The following NHERF1 variants were observed in gnomAD, a reference collection of about 807,000 sequenced individuals.
NHERF1 encodes NHERF family PDZ scaffold protein 1.
At chr17:74,764,746 G>A in the NHERF1 span, among the ~76,000 whole-genome samples, 1 of 152,186 alleles carries the variant, frequency 6.6e-6, no homozygotes, top group Non-Finnish European at 1.5e-5. This position sits in a 1 kb window ranked among gnomAD's most constrained non-coding sequence, Gnocchi z 4.9. Context: ...AGAGGCCTGG[G>A]GACAGTCCCC....
the NHERF1 span, chr17:74,761,921 C>T: frequency 7.2e-7 from 1 of 1,398,234 alleles, no homozygotes; most frequent in Non-Finnish European, 1.0e-6. This position sits in a 1 kb window ranked among gnomAD's most constrained non-coding sequence, Gnocchi z 4.3. Flanking sequence ...CCAAACCTTC[C>T]TTGGTTGGGG....
At chr17:74,768,591 C>T in the NHERF1 span, 37 of 1,614,054 alleles carry the variant, frequency 2.3e-5, no homozygotes, top group Admixed American at 8.3e-5. Flanking sequence ...CCACCAGAAA[C>T]GCAGCAGCAA....
At chr17:74,768,264 C>T in the NHERF1 span, 4 of 1,559,180 alleles carry the variant, frequency 2.6e-6, no homozygotes, top group South Asian at 3.3e-5. Context: ...GGGGTGGCAA[C>T]TGGGTTACAG....
At chr17:74,762,714 C>G in the NHERF1 span, among the ~76,000 whole-genome samples, 10 of 152,294 alleles carry the variant, frequency 6.6e-5, no homozygotes, top group African/African-American at 2.4e-4. The surrounding 1 kb of genome is among the most constrained non-coding windows in gnomAD (Gnocchi z 4.2). Flanking sequence ...CCCACCACCA[C>G]GCCTGGCTAA....
chr17:74,750,804 G>A, the NHERF1 span, among the ~76,000 whole-genome samples: 78 of 109,108 alleles, frequency 7.1e-4, no homozygotes, highest in East Asian at 0.021. Flanking sequence ...GTCTCGTTCA[G>A]CTCCTCCCTT....
the NHERF1 span, among the ~76,000 whole-genome samples, chr17:74,754,062 T>C: frequency 6.6e-6 from 1 of 150,578 alleles, no homozygotes; most frequent in African/African-American, 2.4e-5. Flanking sequence ...TACTCGGGAG[T>C]CTGAGGCAGG....
the NHERF1 span, among the ~76,000 whole-genome samples, chr17:74,752,559 C>G: frequency 1.8e-4 from 27 of 152,098 alleles, no homozygotes; most frequent in African/African-American, 5.5e-4. Flanking sequence ...GGTGTCGCAA[C>G]CTCGCCTCGC....
chr17:74,762,205 GC>G, the NHERF1 span: 2 of 1,585,412 alleles, frequency 1.3e-6, no homozygotes, highest in Admixed American at 1.7e-5. The surrounding 1 kb of genome is among the most constrained non-coding windows in gnomAD (Gnocchi z 4.2). Flanking sequence ...CTATCTGACT[GC>G]CCCCACCCCC....
At chr17:74,754,246 T>C in the NHERF1 span, among the ~76,000 whole-genome samples, 1 of 152,054 alleles carries the variant, frequency 6.6e-6, no homozygotes, top group African/African-American at 2.4e-5. Flanking sequence ...ACCAGAGCTC[T>C]AGACCCCAAT....
At chr17:74,751,277 A>C in the NHERF1 span, among the ~76,000 whole-genome samples, 1 of 152,260 alleles carries the variant, frequency 6.6e-6, no homozygotes, top group Non-Finnish European at 1.5e-5. This position sits in a 1 kb window ranked among gnomAD's most constrained non-coding sequence, Gnocchi z 4.3. Context: ...TGTGTTGAGC[A>C]TACAGACACC....
the NHERF1 span, chr17:74,768,518 T>G: frequency 6.2e-7 from 1 of 1,614,000 alleles, no homozygotes; most frequent in Admixed American, 1.7e-5. Flanking sequence ...CGCCCTCGTC[T>G]ACCTCCTCCT....
At chr17:74,767,333 T>C in the NHERF1 span, among the ~76,000 whole-genome samples, 1 of 152,106 alleles carries the variant, frequency 6.6e-6, no homozygotes, top group South Asian at 2.1e-4. Context: ...CTAGTCTGGG[T>C]TGGAAGAACA....
At chr17:74,761,343 T>C in the NHERF1 span, among the ~76,000 whole-genome samples, 2 of 152,294 alleles carry the variant, frequency 1.3e-5, no homozygotes, top group Non-Finnish European at 2.9e-5. The surrounding 1 kb of genome is among the most constrained non-coding windows in gnomAD (Gnocchi z 4.3). Flanking sequence ...CTGGAACGCC[T>C]GAGGATGGCC....
chr17:74,757,386 C>G, the NHERF1 span, among the ~76,000 whole-genome samples: 1 of 152,086 alleles, frequency 6.6e-6, no homozygotes, highest in African/African-American at 2.4e-5. Context: ...GCCGCCCGCA[C>G]AGACCTGGAG....
the NHERF1 span, among the ~76,000 whole-genome samples, chr17:74,753,713 A>C: frequency 7.0e-6 from 1 of 141,982 alleles, no homozygotes; most frequent in African/African-American, 2.7e-5. Context: ...ACATAGTGAG[A>C]CCTCGTCTCT....
At chr17:74,749,139 A>G in the NHERF1 span, 3 of 1,560,120 alleles carry the variant, frequency 1.9e-6, no homozygotes, top group South Asian at 3.5e-5. This position sits in a 1 kb window ranked among gnomAD's most constrained non-coding sequence, Gnocchi z 5.6. Context: ...ACGGACGAGC[A>G]GCTGCAGAAG....
chr17:74,750,653 G>A, the NHERF1 span, among the ~76,000 whole-genome samples: 1 of 152,214 alleles, frequency 6.6e-6, no homozygotes, highest in South Asian at 2.1e-4. Context: ...AGTTGGGGCC[G>A]ATGATCTCCA....
chr17:74,763,419 T>G, the NHERF1 span: 4 of 1,613,914 alleles, frequency 2.5e-6, no homozygotes, highest in Non-Finnish European at 3.4e-6. Context: ...GTGTCCGCCA[T>G]CAGGGCTGGC....
the NHERF1 span, chr17:74,749,063 C>A: frequency 7.5e-6 from 12 of 1,595,154 alleles, no homozygotes; most frequent in African/African-American, 2.7e-5. The surrounding 1 kb of genome is among the most constrained non-coding windows in gnomAD (Gnocchi z 5.6). Context: ...GGAGACCCAC[C>A]AGCAGGTGGT....
Sources: allele counts gnomAD v4.1 joint callset (sites outside exome capture counted in the v4.1 genomes callset), GRCh38; gene constraint gnomAD v4.1.1; non-coding constraint Gnocchi (gnomAD v3.1); transcripts MANE v1.5; gene names NCBI Gene and HGNC (gene_info 2026-07-23, HGNC 2026-07-21).